The following DOCK9 variants were observed in gnomAD, a reference collection of about 807,000 sequenced individuals.
DOCK9 encodes dedicator of cytokinesis protein 9.
Under a neutral mutation model 263.3 loss-of-function variants are expected in DOCK9, and 89 were observed. The observed-to-expected ratio is 0.34, with a 90% CI of 0.28 to 0.40. The LOEUF is 0.40. Ranked by LOEUF, DOCK9 falls within the 10% of genes least tolerant of loss-of-function variation. The probability of loss-of-function intolerance (pLI) is 1.00; values close to 1 mark genes in which losing one functional copy is unlikely to be tolerated. For synonymous variants in DOCK9, 976 were observed against 973.1 expected (o/e 1.00, Z -0.06); for missense variants, 2,140 against 2,603.4 (o/e 0.82, Z 3.87).
At chr13:98,851,855 G>A (rs537165726) in intron 35 of DOCK9, among the ~76,000 whole-genome samples, 29 of 152,062 alleles carry the variant, frequency 1.9e-4, no homozygotes, top group Non-Finnish European at 3.8e-4. Context: ...TCATGACCCT[G>A]GGAGTAGGAG....
At chr13:98,889,018 T>A (rs1325814037) in intron 15 of DOCK9, among the ~76,000 whole-genome samples, 1 of 152,214 alleles carries the variant, frequency 6.6e-6, no homozygotes, top group Non-Finnish European at 1.5e-5. Flanking sequence ...AATTCAGACG[T>A]CCTGTATTTC....
At chr13:98,991,553 TATTG>T (rs1474815754) in intron 1 of DOCK9, among the ~76,000 whole-genome samples, 1 of 152,138 alleles carries the variant, frequency 6.6e-6, no homozygotes, top group Non-Finnish European at 1.5e-5. Flanking sequence ...AGAGTTTTTT[TATTG>T]ATTACTTATT....
intron 1 of DOCK9, among the ~76,000 whole-genome samples, chr13:99,000,152 C>T (rs577797634): frequency 1.2e-4 from 19 of 152,268 alleles, no homozygotes; most frequent in South Asian, 1.0e-3. Context: ...AGAAAATACA[C>T]GCAGAAGGGG....
At chr13:99,041,193 T>C (rs1321162931) in intron 1 of DOCK9, among the ~76,000 whole-genome samples, 1 of 152,162 alleles carries the variant, frequency 6.6e-6, no homozygotes, top group African/African-American at 2.4e-5. Context: ...ATTTTTAAAA[T>C]GTTCTACTGG....
At chr13:99,075,305 A>G (rs2041864225) in intron 1 of DOCK9, among the ~76,000 whole-genome samples, 1 of 151,154 alleles carries the variant, frequency 6.6e-6, no homozygotes, top group Admixed American at 6.6e-5. Flanking sequence ...TCTGCATATA[A>G]GTGGACCTGT....
intron 19 of DOCK9, 21 bp downstream of exon 19, chr13:98,886,511 T>C (rs1161253656): frequency 2.5e-6 from 4 of 1,608,336 alleles, no homozygotes; most frequent in Admixed American, 1.7e-5. Context: ...AATTCGGTTT[T>C]CCCTTAAAAA....
chr13:98,881,795 T>A, intron 24 of DOCK9, 97 bp downstream of exon 24: 1 of 1,281,238 alleles, frequency 7.8e-7, no homozygotes, highest in South Asian at 1.3e-5. Context: ...TTCTTAAATG[T>A]AATGTTCAGC....
intron 45 of DOCK9, among the ~76,000 whole-genome samples, chr13:98,821,152 C>T (rs2092249621): frequency 6.6e-6 from 1 of 152,200 alleles, no homozygotes; most frequent in Admixed American, 6.5e-5. Context: ...GGGCCCTGTT[C>T]TCCTGGGCTC....
chr13:98,887,035 C>T (rs1158237188), intron 18 of DOCK9, among the ~76,000 whole-genome samples: 2 of 151,048 alleles, frequency 1.3e-5, no homozygotes, highest in Non-Finnish European at 2.9e-5. Context: ...TTGTCCAAAA[C>T]TTCATTTCAT....
At chr13:98,891,644 G>A (rs7337316) in intron 15 of DOCK9, among the ~76,000 whole-genome samples, 5,819 of 152,144 alleles carry the variant, frequency 0.038, 385 homozygotes, top group African/African-American at 0.13. Context: ...TCTTCCTATA[G>A]TGTATTGTGT....
Position 98,885,005 on chromosome 13 carries a change from C to G in DOCK9, c.2348G>C (p.Gly783Ala). 1 of 1,613,616 alleles carries G rather than the reference C, an allele frequency of 6.2e-7. No individual in the cohort carries two copies. Among genetic ancestry groups the G allele is most frequent in the Non-Finnish European group, 8.5e-7 (1 of 1,179,750 alleles). Reference sequence around the variant, plus strand: ...CCCAAGCTCCTGGTAGCCAAGATAGCCCGAAGGAAGGTTCGCCGAGACCGG... The same window carrying G: ...CCCAAGCTCCTGGTAGCCAAGATAGGCCGAAGGAAGGTTCGCCGAGACCGG... ...HIPVSANLPS[G>A]YLGYQELGMG... The change falls in exon 21 of 53, where the codon GGC becomes GCC. Residue 783 changes from glycine (G) to alanine (A), a missense_variant. Transcript: ENST00000682017.
At chr13:98,920,580 C>T (rs543398019) in intron 7 of DOCK9, among the ~76,000 whole-genome samples, 1 of 152,340 alleles carries the variant, frequency 6.6e-6, no homozygotes, top group East Asian at 1.9e-4. Context: ...TACTACAATG[C>T]TAGCGATAAA....
At chr13:98,872,640 C>T (rs1416709697) in intron 27 of DOCK9, among the ~76,000 whole-genome samples, 1 of 152,116 alleles carries the variant, frequency 6.6e-6, no homozygotes. Context: ...TTCCTGGGCT[C>T]AAGCGATTCT....
chr13:98,973,658 G>A (rs1282265754), intron 1 of DOCK9, among the ~76,000 whole-genome samples: 6 of 152,152 alleles, frequency 3.9e-5, no homozygotes, highest in South Asian at 4.1e-4. Flanking sequence ...GTCCAGTGGC[G>A]TGATCTCTGC....
intron 3 of DOCK9, among the ~76,000 whole-genome samples, chr13:98,927,443 A>G (rs1057113533): frequency 3.9e-5 from 6 of 152,162 alleles, no homozygotes; most frequent in Non-Finnish European, 7.3e-5. Context: ...TATTCTCTTC[A>G]AAGAGCTACA....
chr13:99,022,343 A>C (rs1292842615), intron 1 of DOCK9, among the ~76,000 whole-genome samples: 1 of 152,210 alleles, frequency 6.6e-6, no homozygotes, highest in Non-Finnish European at 1.5e-5. Flanking sequence ...GACCACGTAA[A>C]ATATTGGAGT....
intron 38 of DOCK9, chr13:98,845,259 G>T: frequency 8.6e-7 from 1 of 1,158,636 alleles, no homozygotes; most frequent in East Asian, 5.1e-5. Context: ...AAGGCAAGAT[G>T]AACAAAAAGG....
chr13:99,014,852 A>G (rs1211480732), intron 1 of DOCK9, among the ~76,000 whole-genome samples: 1 of 152,230 alleles, frequency 6.6e-6, no homozygotes, highest in Non-Finnish European at 1.5e-5. Flanking sequence ...AAGGGACAGA[A>G]CACGGAAGTG....
At chr13:98,849,261 CCA>C (rs1392127085) in intron 36 of DOCK9, among the ~76,000 whole-genome samples, 3 of 152,094 alleles carry the variant, frequency 2.0e-5, no homozygotes, top group South Asian at 4.2e-4. Flanking sequence ...AGGGCCAGGC[CCA>C]CAGTCTCTCA....
Sources: gnomAD v4.1 joint callset for allele counts (sites outside exome capture counted in the v4.1 genomes callset) on GRCh38, gnomAD v4.1.1 for gene constraint, MANE v1.5 for transcripts, NCBI Gene and HGNC (gene_info 2026-07-23, HGNC 2026-07-21) for gene names.